The following CADPS2 variants were observed in gnomAD, a reference collection of about 807,000 sequenced individuals.
The protein encoded by CADPS2 is calcium-dependent secretion activator 2.
Under a neutral mutation model 172.5 loss-of-function variants are expected in CADPS2, and 93 were observed. That is an observed-to-expected ratio of 0.54 (90% CI 0.46 to 0.64). The LOEUF (loss-of-function observed/expected upper bound fraction) is 0.64. CADPS2 is among the 30% of genes least tolerant of loss of function. The pLI is 0.00. For synonymous variants in CADPS2, 546 were observed against 555.2 expected (o/e 0.98, Z 0.23); for missense variants, 1,420 against 1,565.9 (o/e 0.91, Z 1.57).
In CADPS2 at chr7:122,335,918, A is replaced by C. The variant is rs140210157; in HGVS notation, c.3612+9656T>G. Among the ~76,000 whole-genome samples the C allele has an allele frequency of 2.5e-3, 381 of 152,338 alleles. 1 individual carries two copies. Among genetic ancestry groups the C allele is most frequent in the Admixed American group, 5.0e-3 (76 of 15,298 alleles). On this transcript the variant is annotated intron_variant, in intron 28 of 29. Coordinates refer to ENST00000449022, the MANE Select transcript of CADPS2 (RefSeq NM_017954.11). ...CCTTTTGTTCTCCAATGAGAGAAAAAAGAGAAATGGGTTTAAAAATCAGCA... is the reference window on the plus strand; with the variant it reads ...CCTTTTGTTCTCCAATGAGAGAAAACAGAGAAATGGGTTTAAAAATCAGCA...
chr7:122,713,812 CTTA>C (rs1197835915), intron 2 of CADPS2, among the ~76,000 whole-genome samples: 1 of 152,026 alleles, frequency 6.6e-6, no homozygotes. Flanking sequence ...ATAGAACTTA[CTTA>C]TTATACATTT....
At chr7:122,421,261 T>C (rs933496305) in intron 17 of CADPS2, 2 of 152,226 alleles carry the variant, frequency 1.3e-5, no homozygotes, top group African/African-American at 4.8e-5. Flanking sequence ...TATGTAACAA[T>C]TGTCACAAAT....
At chr7:122,442,835 T>C (rs912065033) in intron 15 of CADPS2, among the ~76,000 whole-genome samples, 1 of 152,162 alleles carries the variant, frequency 6.6e-6, no homozygotes, top group African/African-American at 2.4e-5. Flanking sequence ...CTGCTAAAAA[T>C]GTCCTTTCTT....
chr7:122,438,182 GAA>G (rs2050891217), intron 17 of CADPS2, among the ~76,000 whole-genome samples, 157 bp downstream of exon 17: 2 of 152,058 alleles, frequency 1.3e-5, no homozygotes, highest in Non-Finnish European at 2.9e-5. Flanking sequence ...CAATGAATAG[GAA>G]AAAGCTCTTC....
chr7:122,705,964 A>AACATATTATATAATATATAAT, intron 2 of CADPS2, among the ~76,000 whole-genome samples: 17 of 1,596 alleles, frequency 0.011, 2 homozygotes, highest in South Asian at 0.071. Flanking sequence ...ATATATATAT[A>AACATATTATATAATATATAAT]ATATAATATA....
At chr7:122,799,218 A>G (rs998914846) in intron 1 of CADPS2, among the ~76,000 whole-genome samples, 2 of 146,462 alleles carry the variant, frequency 1.4e-5, no homozygotes, top group South Asian at 2.2e-4. Flanking sequence ...TGTAGTGACT[A>G]ACTAATGCCA....
At chr7:122,403,689 CTCT>C (rs947326139) in intron 20 of CADPS2, among the ~76,000 whole-genome samples, 2 of 151,942 alleles carry the variant, frequency 1.3e-5, no homozygotes, top group African/African-American at 2.4e-5. Flanking sequence ...ATTGAAAAAC[CTCT>C]TCTTAAAAAT....
intron 2 of CADPS2, among the ~76,000 whole-genome samples, chr7:122,668,822 GAGAGGAAGCCCTGTCTTCCCC>G (rs2081461323): frequency 6.6e-6 from 1 of 152,180 alleles, no homozygotes; most frequent in Non-Finnish European, 1.5e-5. Flanking sequence ...CTCATCTCCT[GAGAGGAAGCCCTGTCTTCCCC>G]ACCACCACTT....
At chr7:122,772,306 T>C (rs2093729008) in intron 1 of CADPS2, among the ~76,000 whole-genome samples, 1 of 152,198 alleles carries the variant, frequency 6.6e-6, no homozygotes, top group East Asian at 1.9e-4. Context: ...AGTAAAAATG[T>C]GATTAACATA....
intron 1 of CADPS2, among the ~76,000 whole-genome samples, chr7:122,776,007 T>G (rs914407429): frequency 2.0e-5 from 3 of 152,316 alleles, no homozygotes; most frequent in African/African-American, 7.2e-5. Context: ...GGGCATATAC[T>G]TTCTTAGGTC....
Position 122,416,161 on chromosome 7 carries a change from G to A in CADPS2, c.2480C>T (p.Thr827Ile). The A allele has an allele frequency of 6.6e-7, 1 of 1,521,418 alleles. No homozygotes were observed. Among genetic ancestry groups the A allele is most frequent in the Non-Finnish European group, 8.9e-7 (1 of 1,123,532 alleles). 94.2% of individuals were successfully genotyped at this position (1,521,418 alleles called of 1,614,324 possible). A position where few individuals can be genotyped will look rare whatever the true frequency, so the allele number is the denominator to read the frequency against. Residue 827 changes from threonine to isoleucine, a missense_variant, in exon 18 of 30, where the codon ACC becomes ATC. Transcript: ENST00000449022. ...RLTEYAKIEETMNQASPARKL... is the reference protein window; with the variant it reads ...RLTEYAKIEEIMNQASPARKL... ...TCTAGCAGGAGATGCCTGGTTCATG[G>A]TCTCTATATGAAAAAAAATCATAAT...
At chr7:122,477,543 C>CAAAAAAA (rs74426975) in intron 12 of CADPS2, among the ~76,000 whole-genome samples, 7 of 112,098 alleles carry the variant, frequency 6.2e-5, no homozygotes, top group African/African-American at 6.5e-5. Flanking sequence ...CCGACCCCAC[C>CAAAAAAA]AAAAAAAAAA....
At chr7:122,584,015 TA>T (rs760379983) in intron 6 of CADPS2, among the ~76,000 whole-genome samples, 6 of 151,476 alleles carry the variant, frequency 4.0e-5, no homozygotes, top group African/African-American at 1.2e-4. Flanking sequence ...AGATAAACTT[TA>T]AAAAAAATAC....
chr7:122,450,464 T>C (rs950219222), intron 15 of CADPS2, among the ~76,000 whole-genome samples: 19 of 150,480 alleles, frequency 1.3e-4, no homozygotes, highest in African/African-American at 3.9e-4. Context: ...AGAAATATTA[T>C]CAAGGTATTT....
intron 2 of CADPS2, among the ~76,000 whole-genome samples, chr7:122,728,202 C>T (rs1033789156): frequency 6.6e-5 from 10 of 151,636 alleles, no homozygotes; most frequent in Non-Finnish European, 1.5e-5. Flanking sequence ...CCCAGCTCCT[C>T]TCTCTCTCTA....
At chr7:122,668,557 A>G (rs1189211797) in intron 2 of CADPS2, among the ~76,000 whole-genome samples, 1 of 152,206 alleles carries the variant, frequency 6.6e-6, no homozygotes, top group East Asian at 1.9e-4. Context: ...CTAGCAGTCA[A>G]GAGAGGAGAC....
At chr7:122,424,598 T>C (rs554297797) in intron 17 of CADPS2, 5 of 152,360 alleles carry the variant, frequency 3.3e-5, no homozygotes, top group East Asian at 1.9e-4. Flanking sequence ...ATGATAGTGA[T>C]GGAATTACAG....
At chr7:122,335,462 A>G (rs1271664227) in intron 28 of CADPS2, among the ~76,000 whole-genome samples, 1 of 152,144 alleles carries the variant, frequency 6.6e-6, no homozygotes, top group East Asian at 1.9e-4. Context: ...TTGAAAGTTC[A>G]CATGTTGGCC....
At chr7:122,724,318 T>TAAA in intron 2 of CADPS2, among the ~76,000 whole-genome samples, 1 of 152,008 alleles carries the variant, frequency 6.6e-6, no homozygotes, top group East Asian at 1.9e-4. Flanking sequence ...GACTAGCACT[T>TAAA]AAAAAAATTC....
Sources: gnomAD v4.1 joint callset for allele counts (sites outside exome capture counted in the v4.1 genomes callset) on GRCh38, gnomAD v4.1.1 for gene constraint, MANE v1.5 for transcripts, NCBI Gene and HGNC (gene_info 2026-07-23, HGNC 2026-07-21) for gene names.